AMPD3: variants seen among roughly 807,000 people sequenced by gnomAD.
The protein encoded by AMPD3 is adenosine monophosphate deaminase 3.
In AMPD3, 57 loss-of-function variants were observed where a neutral mutation model predicts 82.3. The observed-to-expected ratio is 0.69, with a 90% CI of 0.56 to 0.86. The LOEUF is 0.86. Among genes scored for constraint, AMPD3 ranks in the 40% least tolerant of loss-of-function variants. The pLI is 0.00. For synonymous variants in AMPD3, 381 were observed against 394.7 expected, an observed-to-expected ratio of 0.97 and a Z score of 0.41; for missense variants, 870 against 1,003.8, an observed-to-expected ratio of 0.87 and a Z score of 1.80.
intron 2 of AMPD3, chr11:10,473,537 A>C: frequency 1.0e-6 from 1 of 985,306 alleles, no homozygotes; most frequent in Non-Finnish European, 1.2e-6. Context: ...TGGGGCTGTG[A>C]GTTTTCACAC....
upstream of AMPD3, chr11:10,450,844 T>A: frequency 8.3e-7 from 1 of 1,198,556 alleles, no homozygotes; most frequent in African/African-American, 1.6e-5. Context: ...CGCGGGGCCC[T>A]CCTGGCCGGG....
intron 10 of AMPD3, among the ~76,000 whole-genome samples, chr11:10,498,967 C>A (rs549063869): frequency 6.6e-6 from 1 of 152,348 alleles, no homozygotes; most frequent in South Asian, 2.1e-4. Context: ...GGGGTCCCAG[C>A]CAAGGTAGAA....
chr11:10,468,588 AT>A lies in AMPD3; in HGVS notation c.221+6850del, dbSNP rs555631730. ...TAATAATGGGAGACTTTAACACCCC[AT>A]TGTGAATATTAGACAGATCAACGAG... is the stretch of plus-strand genomic sequence containing the variant. On this transcript the variant is annotated intron_variant, in intron 2 of 14. Coordinates refer to ENST00000396553, the MANE Select transcript of AMPD3 (RefSeq NM_001025389.2). 2.9e-4 allele frequency among the ~76,000 whole-genome samples: 44 copies of A among 152,336 alleles called. No individual in the cohort carries two copies. In the South Asian group the frequency reaches 5.4e-3, roughly 19 times the overall value.
chr11:10,489,249 A>G (rs1205656567), intron 6 of AMPD3, among the ~76,000 whole-genome samples: 1 of 152,168 alleles, frequency 6.6e-6, no homozygotes, highest in Admixed American at 6.5e-5. Flanking sequence ...CGCCTAGCAC[A>G]TGCCCAGGCC....
intron 10 of AMPD3, chr11:10,498,395 G>T (rs76818541): frequency 0.015 from 2,357 of 153,610 alleles, 66 homozygotes; most frequent in African/African-American, 0.054. Context: ...GCAGGAGGAG[G>T]AGACAACGCA....
At chr11:10,497,154 A>G (rs994437215) in intron 10 of AMPD3, among the ~76,000 whole-genome samples, 12 of 149,032 alleles carry the variant, frequency 8.1e-5, no homozygotes, top group African/African-American at 2.7e-4. Context: ...GTGTGGGGGG[A>G]TGGGGGTGGT....
chr11:10,471,001 C>G (rs1177081288), intron 2 of AMPD3, among the ~76,000 whole-genome samples: 1 of 152,122 alleles, frequency 6.6e-6, no homozygotes, highest in Admixed American at 6.5e-5. Context: ...GCCTGTATAG[C>G]CAAGACAATT....
At chr11:10,501,729 T>C (rs1849587361) in intron 12 of AMPD3, 139 bp downstream of exon 12, 1 of 1,483,324 alleles carries the variant, frequency 6.7e-7, no homozygotes, top group African/African-American at 1.4e-5. Context: ...TATTTTTAAT[T>C]ATGAAAGTAA....
At chr11:10,503,962 G>T (rs1218339029) in intron 13 of AMPD3, 2 of 985,220 alleles carry the variant, frequency 2.0e-6, no homozygotes, top group East Asian at 2.3e-4. Context: ...GGTCACAGAC[G>T]GCTTGTGATG....
At chr11:10,461,184 A>C in intron 1 of AMPD3, 1 of 1,227,998 alleles carries the variant, frequency 8.1e-7, no homozygotes, top group Non-Finnish European at 1.0e-6. Flanking sequence ...GTCCCTTCTC[A>C]AACATGGGAA....
chr11:10,473,573 C>A, intron 2 of AMPD3: 2 of 985,402 alleles, frequency 2.0e-6, no homozygotes, highest in Non-Finnish European at 2.4e-6. Context: ...GTGTTAGAAT[C>A]AAAGTTACAC....
At chr11:10,468,868 T>C (rs10840420) in intron 2 of AMPD3, among the ~76,000 whole-genome samples, 60,187 of 152,008 alleles carry the variant, frequency 0.4, 12,674 homozygotes, top group East Asian at 0.67. Flanking sequence ...ACATGGAAAC[T>C]GAAAAATCTG....
rs750748513 is a variant in AMPD3 at position 10,493,532 on chromosome 11, G to T, written c.1123G>T (p.Asp375Tyr). The change falls in exon 7 of 15, where the codon GAT becomes TAT. Residue 375 changes from aspartate (D) to tyrosine (Y), a missense_variant. Physicochemically the swap from Asp to Tyr is radical, Grantham distance 160. Transcript: ENST00000396553. ...CTACGACCTCACTGTGGACTCACTG[G>T]ATGTCCACGCGGTGAGTGAGCTTCT... ...DPYDLTVDSL[D>Y]VHAGRQTFHR... The T allele has an allele frequency of 6.2e-6, 10 of 1,613,908 alleles. No homozygotes were observed. In the Admixed American group the frequency reaches 1.2e-4, roughly 19 times the overall value.
intron 4 of AMPD3, among the ~76,000 whole-genome samples, chr11:10,483,292 TTGG>T (rs1164253384): frequency 6.6e-6 from 1 of 151,970 alleles, no homozygotes; most frequent in Non-Finnish European, 1.5e-5. Flanking sequence ...CTCCTGAAAG[TTGG>T]TGGTGGGGGA....
chr11:10,495,372 C>A, intron 8 of AMPD3, 198 bp from the exon 9 acceptor site: 1 of 985,402 alleles, frequency 1.0e-6, no homozygotes, highest in South Asian at 4.7e-5. Context: ...AGACCCAAGG[C>A]CTTCCTCACC....
upstream of AMPD3, among the ~76,000 whole-genome samples, chr11:10,453,215 C>T (rs182397088): frequency 5.0e-4 from 76 of 152,252 alleles, 1 homozygote; most frequent in East Asian, 0.013. Flanking sequence ...CCTCCCAAAG[C>T]GCTGGGATTA....
At position 10,461,802 on chromosome 11, in the gene AMPD3, G is replaced by T. The variant is rs190670467; in HGVS notation, c.221+62G>T. 2.8e-5 allele frequency: 43 copies of T among 1,512,180 alleles called. No homozygotes were observed. The East Asian group carries it at 6.9e-4, about 24-fold the overall frequency. 93.7% of individuals were successfully genotyped at this position (1,512,180 alleles called of 1,614,324 possible). A position where few individuals can be genotyped will look rare whatever the true frequency, so the allele number is the denominator to read the frequency against. ...TCATGCAGACCCAGGCAGGCTGTGG[G>T]TGTGTGTCCTGATATGAGGCACCTC... is the stretch of plus-strand genomic sequence containing the variant. On this transcript the variant is annotated intron_variant, in intron 2 of 14. Coordinates refer to ENST00000396553, the MANE Select transcript of AMPD3 (RefSeq NM_001025389.2).
Position 10,485,309 on chromosome 11 carries a change from C to A in AMPD3, c.809+270C>A, listed in dbSNP as rs11042845. On this transcript the variant is annotated intron_variant, in intron 5 of 14. Transcript: ENST00000396553. ...TTGCCCAGGCTGGGGTGCAGTGGTG[C>A]GATCTTGGTTCACTGCAACCTCTGC... 0.056 allele frequency among the ~76,000 whole-genome samples: 8,501 copies of A among 152,112 alleles called. 314 individuals carry two copies. The highest frequency in any genetic ancestry group is 0.084 in the Non-Finnish European group (5,702 of 67,970).
intron 11 of AMPD3, chr11:10,500,579 C>T: frequency 1.0e-6 from 1 of 984,360 alleles, no homozygotes; most frequent in Non-Finnish European, 1.2e-6. Flanking sequence ...TCCACGTGTA[C>T]CTGTACATCC....
Sources: gnomAD v4.1 joint callset for allele counts (sites outside exome capture counted in the v4.1 genomes callset) on GRCh38, gnomAD v4.1.1 for gene constraint, MANE v1.5 for transcripts, NCBI Gene and HGNC (gene_info 2026-07-23, HGNC 2026-07-21) for gene names.